SMARCAD1: variants seen among roughly 807,000 people sequenced by gnomAD.
The protein encoded by SMARCAD1 is SNF2 related chromatin remodeling ATPase with DExD box 1.
In SMARCAD1, 25 loss-of-function variants were observed where a neutral mutation model predicts 127.1. The ratio of observed to expected loss-of-function variants is 0.20; its 90% CI spans 0.14 to 0.27. SMARCAD1 has a LOEUF of 0.27. Ranked by LOEUF, SMARCAD1 falls within the 10% of genes least tolerant of loss-of-function variation. The pLI, the probability that SMARCAD1 is intolerant of heterozygous loss-of-function variation, is 1.00. For missense variants in SMARCAD1, 807 were observed against 1,206.0 expected (o/e 0.67, Z 4.90); for synonymous variants, 400 against 396.9 (o/e 1.01, Z -0.09).
Position 94,226,280 on chromosome 4 carries a change from G to A in SMARCAD1, c.352G>A (p.Asp118Asn), listed in dbSNP as rs1303002858. The A allele has an allele frequency of 6.2e-7, 1 of 1,611,822 alleles. No individual in the cohort carries two copies. The highest frequency in any genetic ancestry group is 1.3e-5 in the African/African-American group (1 of 74,842). ...NTVQEKTFNK[D>N]TVIIVSEPSE... ...AGTTCAAGAGAAAACATTCAACAAA[G>A]ATACAGTGATTATAGTGTAAGCTGA... The change falls in exon 3 of 24, where the codon GAT becomes AAT. Residue 118 changes from aspartate to asparagine, a missense_variant. Physicochemically the swap from Asp to Asn is conservative, Grantham distance 23 (BLOSUM62 1). Transcript: ENST00000354268.
intron 3 of SMARCAD1, among the ~76,000 whole-genome samples, chr4:94,227,279 A>C (rs1319668125): frequency 2.0e-5 from 3 of 152,170 alleles, no homozygotes; most frequent in Non-Finnish European, 4.4e-5. Flanking sequence ...GGGCTTCATC[A>C]CATTAGTTCC....
At chr4:94,275,796 CTTT>C (rs535710589) in intron 14 of SMARCAD1, among the ~76,000 whole-genome samples, 3 of 85,406 alleles carry the variant, frequency 3.5e-5, no homozygotes, top group Admixed American at 1.3e-4. Flanking sequence ...TTAACATTTT[CTTT>C]TTTTTTTTTT....
rs377693918 is a variant in SMARCAD1 at position 94,276,982 on chromosome 4, T to C, written c.1945-40T>C. 27 of 1,612,730 alleles carry C rather than the reference T, an allele frequency of 1.7e-5. No homozygotes were observed. In the African/African-American group the frequency reaches 3.1e-4, roughly 18 times the overall value. ...AGGATAGACATGAAAGGAGTGGCTC[T>C]TTAAGAAAAAGCTAATATAAATTTT... On this transcript the variant is annotated intron_variant, in intron 15 of 23. Coordinates refer to ENST00000354268, the MANE Select transcript of SMARCAD1 (RefSeq NM_020159.5).
intron 19 of SMARCAD1, 133 bp from the exon 20 acceptor site, chr4:94,280,459 T>G: frequency 1.3e-6 from 1 of 762,472 alleles, no homozygotes; most frequent in Non-Finnish European, 2.1e-6. Flanking sequence ...TAATTTTCCT[T>G]GATAAGTCTG....
chr4:94,276,918 G>T (rs1753394797), intron 15 of SMARCAD1, 104 bp from the exon 16 acceptor site: 1 of 1,171,442 alleles, frequency 8.5e-7, no homozygotes, highest in East Asian at 2.5e-5. Context: ...ATTAATAATG[G>T]TTTTAATTTA....
At chr4:94,230,798 C>G (rs1745724765) in intron 3 of SMARCAD1, among the ~76,000 whole-genome samples, 1 of 152,198 alleles carries the variant, frequency 6.6e-6, no homozygotes, top group East Asian at 1.9e-4. Flanking sequence ...AGGCAGAATC[C>G]TAGGTAGCTT....
intron 4 of SMARCAD1, among the ~76,000 whole-genome samples, chr4:94,235,401 A>C (rs1387255846): frequency 1.3e-5 from 2 of 151,934 alleles, no homozygotes; most frequent in African/African-American, 4.8e-5. Flanking sequence ...AGAAAGATAA[A>C]AATAAACATG....
intron 7 of SMARCAD1, among the ~76,000 whole-genome samples, chr4:94,250,470 T>G (rs1008652920): frequency 8.5e-5 from 13 of 152,110 alleles, no homozygotes; most frequent in Admixed American, 6.5e-5. Context: ...TCATTTTTAA[T>G]TGAGAAAACA....
At chr4:94,248,190 A>C (rs1363242187) in intron 6 of SMARCAD1, among the ~76,000 whole-genome samples, 1 of 152,142 alleles carries the variant, frequency 6.6e-6, no homozygotes, top group Non-Finnish European at 1.5e-5. Context: ...GTTCTTTTTT[A>C]TTAGCCTCTT....
rs781754808 is a variant in SMARCAD1, at chr4:94,270,776, G to C, written c.1530G>C (p.Leu510Phe). The C allele has an allele frequency of 1.2e-6, 2 of 1,613,498 alleles. No homozygotes were observed. The highest frequency in any genetic ancestry group is 1.7e-6 in the Non-Finnish European group (2 of 1,179,652). ...YQKVGLNWLA[L>F]VHKHGLNGIL... is the part of the protein sequence containing the mutation. ...AGGTTGGTTTGAATTGGCTGGCATT[G>C]GTACATAAACATGGACTTAATGGCA... The change falls in exon 11 of 24, where the codon TTG (leucine) becomes TTC (phenylalanine). Residue 510 changes from leucine to phenylalanine, a missense_variant. Physicochemically the swap from Leu to Phe is conservative, Grantham distance 22. Around this residue, in one of 8 missense-constraint regions of SMARCAD1, gnomAD observed 148 missense variants for 313.2 expected, o/e 0.47. Coordinates refer to ENST00000354268, the MANE Select transcript of SMARCAD1 (RefSeq NM_020159.5).
chr4:94,290,442 T>G lies in SMARCAD1; in HGVS notation c.*908T>G, dbSNP rs1755534279. The G allele has an allele frequency of 2.2e-6, 1 of 454,528 alleles. No individual in the cohort carries two copies. The highest frequency in any genetic ancestry group is 4.4e-6 in the Non-Finnish European group (1 of 226,770). The allele number at this position is 454,528 out of a possible 1,614,324, so 28.2% of individuals were successfully genotyped here. A position where few individuals can be genotyped will look rare whatever the true frequency, so the allele number is the denominator to read the frequency against. ...ATTTTTCTAGCCTGGCAGAACAGAT[T>G]ACTTAAAGCTATTTCATTTCAAAGC... On this transcript the variant is annotated 3_prime_UTR_variant, in exon 24 of 24. Coordinates refer to ENST00000354268, the MANE Select transcript of SMARCAD1 (RefSeq NM_020159.5).
chr4:94,212,747 A>G (rs761176346), intron 2 of SMARCAD1, among the ~76,000 whole-genome samples: 1 of 152,178 alleles, frequency 6.6e-6, no homozygotes, highest in Non-Finnish European at 1.5e-5. Flanking sequence ...TTGGCCTCCC[A>G]AAGTGCTGGG....
chr4:94,217,978 G>A (rs945534037), intron 2 of SMARCAD1, among the ~76,000 whole-genome samples: 10 of 152,164 alleles, frequency 6.6e-5, no homozygotes, highest in African/African-American at 2.4e-4. Context: ...GTCTCTCACA[G>A]TGGGTTTCAG....
Position 94,211,864 on chromosome 4 carries a change from T to G in SMARCAD1, c.190+3280T>G, listed in dbSNP as rs565525500. 6.4e-3 allele frequency among the ~76,000 whole-genome samples: 981 copies of G among 152,280 alleles called. 14 individuals carry two copies. The highest frequency in any genetic ancestry group is 0.022 in the African/African-American group (932 of 41,552). ...TTAAGAAGACCTTCCTTGATCACCC[T>G]GTGAAATAGCCACCCACCCCAGCCC... On this transcript the variant is annotated intron_variant, in intron 2 of 23. Coordinates refer to ENST00000354268, the MANE Select transcript of SMARCAD1 (RefSeq NM_020159.5).
At chr4:94,222,222 A>G (rs933582918) in intron 2 of SMARCAD1, among the ~76,000 whole-genome samples, 2 of 152,242 alleles carry the variant, frequency 1.3e-5, no homozygotes, top group Non-Finnish European at 2.9e-5. Flanking sequence ...GGTTTGGCAT[A>G]TTTTGAAATG....
chr4:94,221,357 G>T (rs1166822521), intron 2 of SMARCAD1, among the ~76,000 whole-genome samples: 6 of 152,130 alleles, frequency 3.9e-5, no homozygotes, highest in African/African-American at 1.4e-4. Context: ...GTAATAGAAT[G>T]CAAAATGTTT....
chr4:94,214,513 G>A (rs767275940), intron 2 of SMARCAD1, among the ~76,000 whole-genome samples: 4 of 151,820 alleles, frequency 2.6e-5, no homozygotes, highest in Admixed American at 6.6e-5. Context: ...AGATCTGCCC[G>A]CCTCGGCCTC....
At chr4:94,255,547 A>G (rs1412268853) in intron 9 of SMARCAD1, among the ~76,000 whole-genome samples, 13 of 151,928 alleles carry the variant, frequency 8.6e-5, no homozygotes, top group African/African-American at 3.1e-4. Flanking sequence ...TATAAATGTA[A>G]TATAAGTGTA....
At chr4:94,225,299 T>TA (rs147946963) in intron 2 of SMARCAD1, among the ~76,000 whole-genome samples, 21,930 of 152,154 alleles carry the variant, frequency 0.14, 1,806 homozygotes, top group Non-Finnish European at 0.19. Flanking sequence ...CCTTGGCTTG[T>TA]AAGGTGATCT....
Sources: gnomAD v4.1 joint callset for allele counts (sites outside exome capture counted in the v4.1 genomes callset) on GRCh38, gnomAD v4.1.1 for gene constraint, gnomAD v4.1.1 regional missense constraint, MANE v1.5 for transcripts, NCBI Gene and HGNC (gene_info 2026-07-23, HGNC 2026-07-21) for gene names.